Variants in PTPRG observed in about 807,000 individuals in gnomAD.
PTPRG encodes the protein receptor-type tyrosine-protein phosphatase gamma.
PTPRG carries 102 observed loss-of-function variants against 165.3 expected under a neutral mutation model. The observed-to-expected ratio is 0.62, with a 90% CI of 0.53 to 0.73. The LOEUF (loss-of-function observed/expected upper bound fraction) is 0.73, where lower values mean the gene tolerates loss of function less well. PTPRG is among the 30% of genes least tolerant of loss of function. The pLI is 0.00. For synonymous variants in PTPRG, 675 were observed against 669.5 expected (o/e 1.01, Z -0.13); for missense variants, 1,866 against 1,861.4 (o/e 1.00, Z -0.05).
At chr3:62,082,561 G>T (rs1471457839) in intron 5 of PTPRG, among the ~76,000 whole-genome samples, 1 of 152,202 alleles carries the variant, frequency 6.6e-6, no homozygotes, top group Non-Finnish European at 1.5e-5. Context: ...ACTTTGGAGG[G>T]AGTGTGTGTT....
rs1161130052 is a variant in PTPRG at position 62,011,508 on chromosome 3, C to T, written c.519+8011C>T. Among the ~76,000 whole-genome samples, 3 of 152,244 alleles carry T rather than the reference C, an allele frequency of 2.0e-5. No individual in the cohort carries two copies. The East Asian group carries it at 5.8e-4, about 29-fold the overall frequency. On this transcript the variant is annotated intron_variant, in intron 4 of 29. Transcript: ENST00000474889. ...CCATGGTTATCTGGTGTTTGCTATT[C>T]TGTGGTGTAGCCTAGTAGTGACTTC...
At chr3:61,590,785 A>G (rs1383693303) in intron 1 of PTPRG, among the ~76,000 whole-genome samples, 1 of 152,154 alleles carries the variant, frequency 6.6e-6, no homozygotes, top group Non-Finnish European at 1.5e-5. Context: ...CATTTAGCAT[A>G]GTCTTTTTAG....
chr3:61,931,952 G>GT (rs1175756204), intron 2 of PTPRG, among the ~76,000 whole-genome samples: 1 of 152,146 alleles, frequency 6.6e-6, no homozygotes, highest in Non-Finnish European at 1.5e-5. Context: ...CTTCTATGTT[G>GT]TCTTCCTTTC....
At chr3:62,033,993 T>A (rs1029677463) in intron 4 of PTPRG, among the ~76,000 whole-genome samples, 2 of 152,136 alleles carry the variant, frequency 1.3e-5, no homozygotes, top group African/African-American at 4.8e-5. Context: ...CTTGAACACC[T>A]GACCTCAGAT....
intron 4 of PTPRG, among the ~76,000 whole-genome samples, chr3:62,065,566 T>C (rs1040487789): frequency 1.3e-5 from 2 of 152,188 alleles, no homozygotes; most frequent in Non-Finnish European, 2.9e-5. Flanking sequence ...TGCTGTTGGT[T>C]ATTTTAAGGG....
At chr3:62,196,237 A>G (rs1216641412) in intron 10 of PTPRG, among the ~76,000 whole-genome samples, 3 of 151,748 alleles carry the variant, frequency 2.0e-5, no homozygotes, top group Non-Finnish European at 4.4e-5. Context: ...ACTAAAAAAA[A>G]CAAAAATTAG....
At chr3:62,246,490 T>C (rs1701291307) in intron 15 of PTPRG, among the ~76,000 whole-genome samples, 1 of 152,224 alleles carries the variant, frequency 6.6e-6, no homozygotes, top group African/African-American at 2.4e-5. Flanking sequence ...TTGGAAAATA[T>C]TTTAATTCAC....
At chr3:61,672,524 C>T (rs1274183928) in intron 1 of PTPRG, among the ~76,000 whole-genome samples, 3 of 149,286 alleles carry the variant, frequency 2.0e-5, no homozygotes, top group Non-Finnish European at 4.5e-5. Context: ...TGGAGACCAG[C>T]CCGGCCAACA....
intron 2 of PTPRG, among the ~76,000 whole-genome samples, chr3:61,831,421 G>A (rs1047351476): frequency 1.1e-4 from 16 of 152,166 alleles, no homozygotes; most frequent in Non-Finnish European, 2.1e-4. Flanking sequence ...ACCACACACA[G>A]GAAGGACCTT....
chr3:62,272,974 A>G lies in PTPRG; in HGVS notation c.3211A>G (p.Ile1071Val), dbSNP rs138240632. Residue 1071 changes from isoleucine (I) to valine (V), a missense_variant, in exon 22 of 30, where the codon ATT becomes GTT. By Grantham distance (29) the Ile-to-Val change is conservative (BLOSUM62 3). Around this residue, in one of 3 missense-constraint regions of PTPRG, gnomAD observed 1,452 missense variants for 1,463.0 expected, o/e 0.99. Transcript: ENST00000474889. ...SAGVGRTGTY[I>V]VIDSMLQQIK... is the part of the protein sequence containing the mutation. The stretch of plus-strand genomic sequence containing the variant: ...TGGTGTGGGCAGAACAGGCACCTAT[A>G]TTGTAATAGACAGCATGCTGCAACA... The G allele has an allele frequency of 2.0e-5, 33 of 1,612,966 alleles. No homozygotes were observed. In the South Asian group the frequency reaches 2.6e-4, roughly 13 times the overall value.
chr3:61,886,131 A>G (rs1283260757), intron 2 of PTPRG, among the ~76,000 whole-genome samples: 1 of 152,078 alleles, frequency 6.6e-6, no homozygotes, highest in Non-Finnish European at 1.5e-5. Flanking sequence ...CACAGTTTAG[A>G]TAACTTGGAA....
chr3:61,586,295 C>T (rs909040084), intron 1 of PTPRG, among the ~76,000 whole-genome samples: 2 of 151,828 alleles, frequency 1.3e-5, no homozygotes, highest in African/African-American at 4.8e-5. Flanking sequence ...CGGAAGCTTG[C>T]TAATTACACT....
intron 2 of PTPRG, among the ~76,000 whole-genome samples, chr3:61,802,355 C>G (rs1357169901): frequency 1.3e-5 from 2 of 151,992 alleles, no homozygotes; most frequent in African/African-American, 2.4e-5. Context: ...GCTTGAGAAG[C>G]TGGCCAAAGA....
intron 8 of PTPRG, among the ~76,000 whole-genome samples, chr3:62,191,050 G>C (rs1699798541): frequency 6.6e-6 from 1 of 152,192 alleles, no homozygotes; most frequent in African/African-American, 2.4e-5. Flanking sequence ...CAGAAAAACA[G>C]TTCTGTGTGT....
intron 29 of PTPRG, 29 bp from the exon 30 acceptor site, chr3:62,293,132 G>T: frequency 6.6e-7 from 1 of 1,515,350 alleles, no homozygotes; most frequent in Non-Finnish European, 8.8e-7. Flanking sequence ...CTGTTCTTTG[G>T]CTCAAACTGT....
intron 2 of PTPRG, among the ~76,000 whole-genome samples, chr3:61,952,158 C>A (rs190440517): frequency 6.7e-6 from 1 of 150,172 alleles, no homozygotes; most frequent in African/African-American, 2.4e-5. Flanking sequence ...ATCAGAATCC[C>A]AGTCTTCCTC....
At position 62,273,815 on chromosome 3, in the gene PTPRG, G is replaced by A; in HGVS notation, c.3436G>A (p.Gly1146Arg). The change falls in exon 23 of 30, where the codon GGA becomes AGA. Residue 1146 changes from glycine to arginine, a missense_variant. Coordinates refer to ENST00000474889, the MANE Select transcript of PTPRG (RefSeq NM_002841.4). This position sits in a 1 kb window ranked among gnomAD's most constrained non-coding sequence, Gnocchi z 4.1. ...CAGCATCCTTATACCAGGAGTAGGA[G>A]GAAAGACACGACTGGAAAAGCAATT... ...VNSILIPGVG[G>R]KTRLEKQFKL... The A allele has an allele frequency of 6.2e-7, 1 of 1,613,754 alleles. No individual in the cohort carries two copies.
At chr3:61,941,149 T>C (rs1436724287) in intron 2 of PTPRG, among the ~76,000 whole-genome samples, 1 of 151,662 alleles carries the variant, frequency 6.6e-6, no homozygotes, top group Non-Finnish European at 1.5e-5. Flanking sequence ...TCCAAGGTGA[T>C]AATCATTCAT....
intron 5 of PTPRG, among the ~76,000 whole-genome samples, chr3:62,094,138 C>G (rs1292933324): frequency 6.6e-6 from 1 of 152,172 alleles, no homozygotes; most frequent in East Asian, 1.9e-4. Flanking sequence ...TGCCCAGGGC[C>G]ACTCAACTAG....
Sources: allele counts gnomAD v4.1 joint callset (sites outside exome capture counted in the v4.1 genomes callset), GRCh38; gene constraint gnomAD v4.1.1; regional missense constraint gnomAD v4.1.1; non-coding constraint Gnocchi (gnomAD v3.1); transcripts MANE v1.5; gene names NCBI Gene and HGNC (gene_info 2026-07-23, HGNC 2026-07-21).